CRYZL1: variants seen among roughly 807,000 people sequenced by gnomAD.
CRYZL1 encodes ferry endosomal RAB5 effector complex subunit 4.
A neutral mutation model predicts 50.6 loss-of-function variants in CRYZL1; 34 were observed. That is an observed-to-expected ratio of 0.67 (90% CI 0.51 to 0.89). The LOEUF (loss-of-function observed/expected upper bound fraction) is 0.89, where lower values mean the gene tolerates loss of function less well. CRYZL1 is among the 40% of genes least tolerant of loss of function. The pLI is 0.00. For synonymous variants in CRYZL1, 125 were observed against 134.3 expected (o/e 0.93, Z 0.48); for missense variants, 354 against 402.3 (o/e 0.88, Z 1.03).
chr21:33,641,375 C>G (rs2087328425), intron 1 of CRYZL1: 1 of 1,488,736 alleles, frequency 6.7e-7, no homozygotes, highest in Non-Finnish European at 8.9e-7. Context: ...GAGAAAAACC[C>G]AACCTGGGAG....
At chr21:33,590,690 A>G (rs2086635797) in intron 12 of CRYZL1, among the ~76,000 whole-genome samples, 1 of 152,254 alleles carries the variant, frequency 6.6e-6, no homozygotes, top group African/African-American at 2.4e-5. Flanking sequence ...TGCTGGGATT[A>G]CAGGCGTGAG....
chr21:33,599,390 GGAGA>G lies in CRYZL1; in HGVS notation c.578-146_578-143del, dbSNP rs2086727929. On this transcript the variant is annotated intron_variant, in intron 8 of 12. Transcript: ENST00000381554. ...ATTCAAACAATTACTGAATTTAAAG[GGAGA>G]AAGTCAATTTAAATTATACTTTTTC... 19 of 1,135,164 alleles carry G rather than the reference GGAGA, an allele frequency of 1.7e-5. 1 individual carries two copies. The South Asian group carries it at 2.6e-4, about 15-fold the overall frequency. 70.3% of individuals were successfully genotyped at this position (1,135,164 alleles called of 1,614,324 possible).
At chr21:33,591,538 T>A in intron 11 of CRYZL1, 1 of 341,012 alleles carries the variant, frequency 2.9e-6, no homozygotes, top group Non-Finnish European at 5.4e-6. Flanking sequence ...CTACACTACA[T>A]ATGGCATTTT....
intron 11 of CRYZL1, among the ~76,000 whole-genome samples, chr21:33,594,239 C>T (rs1037695290): frequency 1.0e-4 from 15 of 150,740 alleles, no homozygotes; most frequent in South Asian, 2.1e-4. Context: ...CTGCAACCTT[C>T]ACTGCCTGGG....
At chr21:33,633,478 A>T (rs886414814) in intron 1 of CRYZL1, among the ~76,000 whole-genome samples, 1 of 151,442 alleles carries the variant, frequency 6.6e-6, no homozygotes, top group African/African-American at 2.4e-5. Context: ...TGGAGGGCGC[A>T]GTCTCGGCTC....
At chr21:33,602,441 A>T (rs1280465720) in intron 7 of CRYZL1, 96 bp from the exon 8 acceptor site, 2 of 497,192 alleles carry the variant, frequency 4.0e-6, no homozygotes, top group Non-Finnish European at 7.1e-6. Flanking sequence ...ATAATTCTTT[A>T]GTGTTACTTT....
At chr21:33,591,361 C>T in intron 11 of CRYZL1, 154 bp from the exon 12 acceptor site, 1 of 652,490 alleles carries the variant, frequency 1.5e-6, no homozygotes, top group South Asian at 1.8e-5. Context: ...TGTAGGACGT[C>T]AAGTTTAGCT....
intron 2 of CRYZL1, among the ~76,000 whole-genome samples, chr21:33,628,910 T>C (rs1174425162): frequency 2.0e-5 from 3 of 151,958 alleles, no homozygotes; most frequent in African/African-American, 7.2e-5. Flanking sequence ...TAATTTCTTT[T>C]TTAGATAGTT....
intron 1 of CRYZL1, chr21:33,640,256 G>A: frequency 1.3e-6 from 2 of 1,536,510 alleles, no homozygotes; most frequent in Non-Finnish European, 8.8e-7. Flanking sequence ...TATCTTGTAT[G>A]GCGAACTACC....
At chr21:33,624,891 A>G in intron 2 of CRYZL1, 131 bp from the exon 3 acceptor site, 9 of 1,251,756 alleles carry the variant, frequency 7.2e-6, no homozygotes, top group Non-Finnish European at 9.4e-6. Context: ...GCTAATTTTA[A>G]CAACTATAAG....
chr21:33,634,027 C>T (rs983559438), intron 1 of CRYZL1, among the ~76,000 whole-genome samples: 2 of 152,082 alleles, frequency 1.3e-5, no homozygotes, highest in African/African-American at 2.4e-5. Flanking sequence ...GATAATCAAA[C>T]GCTGGAATTA....
At chr21:33,635,346 CTTTTTT>C (rs11346670) in intron 1 of CRYZL1, among the ~76,000 whole-genome samples, 2 of 93,450 alleles carry the variant, frequency 2.1e-5, no homozygotes, top group East Asian at 3.0e-4. Context: ...AAGTATTAAA[CTTTTTT>C]TTTTTTTTTT....
chr21:33,625,694 G>A (rs1194320670), intron 2 of CRYZL1, among the ~76,000 whole-genome samples: 1 of 151,726 alleles, frequency 6.6e-6, no homozygotes. Context: ...ATGTTGCCCA[G>A]GCTGGTCTCT....
At chr21:33,601,597 A>T (rs1348668308) in intron 8 of CRYZL1, among the ~76,000 whole-genome samples, 2 of 152,348 alleles carry the variant, frequency 1.3e-5, no homozygotes, top group Non-Finnish European at 2.9e-5. Context: ...GTTTAAAAAA[A>T]AATAATTAAA....
At chr21:33,598,562 G>A (rs1308046845) in intron 9 of CRYZL1, among the ~76,000 whole-genome samples, 1 of 152,188 alleles carries the variant, frequency 6.6e-6, no homozygotes, top group Non-Finnish European at 1.5e-5. Flanking sequence ...AGAGACTGCA[G>A]AAGTCAACTA....
intron 6 of CRYZL1, among the ~76,000 whole-genome samples, chr21:33,611,786 A>T (rs2086875297): frequency 6.6e-6 from 1 of 152,218 alleles, no homozygotes; most frequent in Admixed American, 6.5e-5. Flanking sequence ...CCCTGCTCAC[A>T]CAGGTAACTT....
chr21:33,595,519 G>A, intron 11 of CRYZL1: 1 of 1,283,616 alleles, frequency 7.8e-7, no homozygotes, highest in Non-Finnish European at 1.1e-6. Flanking sequence ...CTGTGCTTCT[G>A]TTTCTTCACC....
chr21:33,640,321 G>A (rs1403333606), intron 1 of CRYZL1: 3 of 1,341,824 alleles, frequency 2.2e-6, no homozygotes, highest in South Asian at 2.8e-5. Context: ...CAGAGGCATC[G>A]ATAAGGGAAA....
chr21:33,590,039 A>G (rs2086627310), intron 12 of CRYZL1, 118 bp from the exon 13 acceptor site: 1 of 610,986 alleles, frequency 1.6e-6, no homozygotes, highest in African/African-American at 1.9e-5. Context: ...ATTTTTTGAG[A>G]CAGAGTCTGG....
Sources: allele counts gnomAD v4.1 joint callset (sites outside exome capture counted in the v4.1 genomes callset), GRCh38; gene constraint gnomAD v4.1.1; transcripts MANE v1.5; gene names NCBI Gene and HGNC (gene_info 2026-07-23, HGNC 2026-07-21).